The following ISCA2 variants were observed in gnomAD, a reference collection of about 807,000 sequenced individuals.
ISCA2 encodes iron-sulfur cluster assembly 2.
Under a neutral mutation model 19.1 loss-of-function variants are expected in ISCA2, and 21 were observed. That is an observed-to-expected ratio of 1.10 (90% CI 0.78 to 1.59). ISCA2 has a LOEUF of 1.59. Ranked by LOEUF, ISCA2 falls within the 40% of genes most tolerant of loss-of-function variation. The pLI, the probability that ISCA2 is intolerant of heterozygous loss-of-function variation, is 0.00. For synonymous variants in ISCA2, 107 were observed against 83.8 expected, an observed-to-expected ratio of 1.28 and a Z score of -1.51; for missense variants, 181 against 191.7, an observed-to-expected ratio of 0.94 and a Z score of 0.33.
At chr14:74,494,209 C>G (rs1595230351) in intron 2 of ISCA2, 57 bp downstream of exon 2, 6 of 1,575,816 alleles carry the variant, frequency 3.8e-6, no homozygotes, top group Non-Finnish European at 4.3e-6. Context: ...GCAGCGGGAA[C>G]TGCTCTTCAC....
intron 2 of ISCA2, 31 bp downstream of exon 2, chr14:74,494,183 C>T (rs2086817518): frequency 6.3e-7 from 1 of 1,587,464 alleles, no homozygotes; most frequent in Non-Finnish European, 8.6e-7. Flanking sequence ...CGGCGGTACC[C>T]AGGCGATTGG....
chr14:74,494,321 T>G lies in ISCA2; in HGVS notation c.221T>G (p.Val74Gly). The G allele has an allele frequency of 6.2e-7, 1 of 1,614,178 alleles. No individual in the cohort carries two copies. Among genetic ancestry groups the G allele is most frequent in the East Asian group, 2.2e-5 (1 of 44,882 alleles). The change falls in exon 3 of 4, where the codon GTG (valine) becomes GGG (glycine). Residue 74 changes from valine (V) to glycine (G), a missense_variant. Coordinates refer to ENST00000556816, the MANE Select transcript of ISCA2 (RefSeq NM_194279.4). ...TEGSEFLRLQ[V>G]EGGGCSGFQY... ...GGGTCAGAATTCCTCAGGCTGCAAGTGGAGGGAGGTGGATGCTCCGGATTC... is the reference window on the plus strand; with the variant it reads ...GGGTCAGAATTCCTCAGGCTGCAAGGGGAGGGAGGTGGATGCTCCGGATTC...
chr14:74,495,745 A>G lies in ISCA2; in HGVS notation c.*745A>G, dbSNP rs1196649720. The G allele has an allele frequency of 2.0e-5, 3 of 152,250 alleles. No individual in the cohort carries two copies. Among genetic ancestry groups the G allele is most frequent in the Non-Finnish European group, 4.4e-5 (3 of 68,050 alleles). 9.4% of individuals were successfully genotyped at this position (152,250 alleles called of 1,614,324 possible). A position where few individuals can be genotyped will look rare whatever the true frequency, so the allele number is the denominator to read the frequency against. ...TGTTGCTTTACCTGCCTTCTGTTGT[A>G]AAATGGCTCTGGTCTCATGCACAGC... On this transcript the variant is annotated 3_prime_UTR_variant, in exon 4 of 4. Coordinates refer to ENST00000556816, the MANE Select transcript of ISCA2 (RefSeq NM_194279.4).
In ISCA2 at chr14:74,495,028, C is replaced by T. The variant is rs199945088; in HGVS notation, c.*28C>T. The T allele has an allele frequency of 1.6e-4, 253 of 1,559,892 alleles. No homozygotes were observed. The highest frequency in any genetic ancestry group is 5.5e-5 in the Non-Finnish European group (62 of 1,134,780). ...TGATGACTGGTGACTCTGGGATTGTCACCAGTTGTACCAATTTGAAGAACC... is the reference window on the plus strand; with the variant it reads ...TGATGACTGGTGACTCTGGGATTGTTACCAGTTGTACCAATTTGAAGAACC... On this transcript the variant is annotated 3_prime_UTR_variant, in exon 4 of 4. Coordinates refer to ENST00000556816, the MANE Select transcript of ISCA2 (RefSeq NM_194279.4).
chr14:74,494,404 G>A lies in ISCA2; in HGVS notation c.290+14G>A. 6.3e-7 allele frequency: 1 copy of A among 1,591,814 alleles called. No homozygotes were observed. Among genetic ancestry groups the A allele is most frequent in the Non-Finnish European group, 8.6e-7 (1 of 1,159,666 alleles). On this transcript the variant is annotated intron_variant, in intron 3 of 3. Transcript: ENST00000556816. ...CCCCGACGACAGGCAAGGAGGAAGG[G>A]GTGGGCCCCCAAAGGAGGTACAGGA...
At chr14:74,494,768 A>T in intron 3 of ISCA2, 58 bp from the exon 4 acceptor site, 1 of 1,486,012 alleles carries the variant, frequency 6.7e-7, no homozygotes. Context: ...CTCTGGGCTC[A>T]GGGGGTGTCT....
rs996954656 is a variant in ISCA2 at position 74,496,248 on chromosome 14, G to A, written c.*1248G>A. 2.6e-5 allele frequency: 4 copies of A among 152,176 alleles called. No homozygotes were observed. Among genetic ancestry groups the A allele is most frequent in the African/African-American group, 9.7e-5 (4 of 41,436 alleles). The allele number at this position is 152,176 out of a possible 1,614,324, so 9.4% of individuals were successfully genotyped here. A position where few individuals can be genotyped will look rare whatever the true frequency, so the allele number is the denominator to read the frequency against. On this transcript the variant is annotated 3_prime_UTR_variant, in exon 4 of 4. Transcript: ENST00000556816. ...CTTTTGCTTGGGAGCCTAGAAGTTT[G>A]TTACAGTAAAGACTTGCATTTCTGC... is the stretch of plus-strand genomic sequence containing the variant.
rs1213600874 is a variant in ISCA2 at position 74,495,121 on chromosome 14, A to G, written c.*121A>G. On this transcript the variant is annotated 3_prime_UTR_variant, in exon 4 of 4. Coordinates refer to ENST00000556816, the MANE Select transcript of ISCA2 (RefSeq NM_194279.4). ...CTCTCAATTTTATTTCCCGCAGTCC[A>G]GGAGTGTTATGTTTTGCCACTATTA... 2.7e-6 allele frequency: 2 copies of G among 750,270 alleles called. No individual in the cohort carries two copies. The highest frequency in any genetic ancestry group is 1.8e-5 in the South Asian group (1 of 54,798). The allele number at this position is 750,270 out of a possible 1,614,324, so 46.5% of individuals were successfully genotyped here. A position where few individuals can be genotyped will look rare whatever the true frequency, so the allele number is the denominator to read the frequency against.
rs774966429 is a variant in ISCA2 at position 74,494,839 on chromosome 14, G to A, written c.304G>A (p.Gly102Ser). Residue 102 changes from glycine to serine, a missense_variant, in exon 4 of 4, where the codon GGT (glycine) becomes AGT (serine). Coordinates refer to ENST00000556816, the MANE Select transcript of ISCA2 (RefSeq NM_194279.4). ...CTGTCTTTTCAGGGTATTTGAACAG[G>A]GTGGGGCAAGAGTGGTGGTTGACTC... ...INPDDRVFEQ[G>S]GARVVVDSDS... The A allele has an allele frequency of 1.2e-6, 2 of 1,613,994 alleles. No individual in the cohort carries two copies. The highest frequency in any genetic ancestry group is 1.3e-5 in the African/African-American group (1 of 74,916).
At position 74,496,782 on chromosome 14, in the gene ISCA2, C is replaced by T. The variant is rs1374242816; in HGVS notation, c.*1782C>T. ...TAGAATGCAGCTTATATGTGAGTAT[C>T]TACTGTTAATGGGAGAATTGGAATT... On this transcript the variant is annotated 3_prime_UTR_variant, in exon 4 of 4. Transcript: ENST00000556816. The T allele has an allele frequency of 6.6e-6, 1 of 152,124 alleles. No homozygotes were observed. Among genetic ancestry groups the T allele is most frequent in the Non-Finnish European group, 1.5e-5 (1 of 68,032 alleles). 9.4% of individuals were successfully genotyped at this position (152,124 alleles called of 1,614,324 possible).
At position 74,494,810 on chromosome 14, in the gene ISCA2, C is replaced by T. The variant is rs774962941; in HGVS notation, c.291-16C>T. Reference sequence around the variant, plus strand: ...TGTTTGCGATACTCCTTAATGCCTTCCTCCTGTCTTTTCAGGGTATTTGAA... The same window carrying T: ...TGTTTGCGATACTCCTTAATGCCTTTCTCCTGTCTTTTCAGGGTATTTGAA... On this transcript the variant is annotated splice_polypyrimidine_tract_variant and intron_variant, in intron 3 of 3. Coordinates refer to ENST00000556816, the MANE Select transcript of ISCA2 (RefSeq NM_194279.4). The T allele has an allele frequency of 7.4e-6, 12 of 1,612,708 alleles. No individual in the cohort carries two copies. In the South Asian group the frequency reaches 8.8e-5, roughly 12 times the overall value.
rs2086839495 is a variant in ISCA2, at chr14:74,495,686, T to C, written c.*686T>C. ...TACTCATACAGACATTTTAAGATTC[T>C]GTGACAATTTAATGACTGAATCTTT... is the stretch of plus-strand genomic sequence containing the variant. On this transcript the variant is annotated 3_prime_UTR_variant, in exon 4 of 4. Transcript: ENST00000556816. 1 of 152,248 alleles carries C rather than the reference T, an allele frequency of 6.6e-6. No individual in the cohort carries two copies. The highest frequency in any genetic ancestry group is 1.5e-5 in the Non-Finnish European group (1 of 68,048). 9.4% of individuals were successfully genotyped at this position (152,248 alleles called of 1,614,324 possible).
intron 3 of ISCA2, 55 bp downstream of exon 3, chr14:74,494,445 C>T (rs2086822818): frequency 1.5e-6 from 2 of 1,297,096 alleles, no homozygotes; most frequent in Non-Finnish European, 2.2e-6. Flanking sequence ...AAAAGTGTCT[C>T]CAGTTTAAGG....
Position 74,496,027 on chromosome 14 carries a change from G to A in ISCA2, c.*1027G>A, listed in dbSNP as rs372014912. 6.6e-6 allele frequency: 1 copy of A among 152,240 alleles called. No individual in the cohort carries two copies. The highest frequency in any genetic ancestry group is 1.9e-4 in the East Asian group (1 of 5,206). 9.4% of individuals were successfully genotyped at this position (152,240 alleles called of 1,614,324 possible). A position where few individuals can be genotyped will look rare whatever the true frequency, so the allele number is the denominator to read the frequency against. The stretch of plus-strand genomic sequence containing the variant: ...AGCTTTTAAAATCACAAATTCTAGT[G>A]AATTAAAGTACTTGTGTAGGTGTGG... On this transcript the variant is annotated 3_prime_UTR_variant, in exon 4 of 4. Transcript: ENST00000556816.
Position 74,493,930 on chromosome 14 carries a change from C to G in ISCA2, c.71+85C>G. ...GGGAAACTAAGGCCTGTGGGGGATG[C>G]GAGGGTTTGGTGGGAGGCCGTCCAG... On this transcript the variant is annotated intron_variant, in intron 1 of 3. Transcript: ENST00000556816. The surrounding 1 kb of genome is among the most constrained non-coding windows in gnomAD (Gnocchi z 4.1). 6.8e-7 allele frequency: 1 copy of G among 1,480,332 alleles called. No homozygotes were observed. Among genetic ancestry groups the G allele is most frequent in the East Asian group, 2.5e-5 (1 of 40,560 alleles). The allele number at this position is 1,480,332 out of a possible 1,614,324, so 91.7% of individuals were successfully genotyped here. A position where few individuals can be genotyped will look rare whatever the true frequency, so the allele number is the denominator to read the frequency against.
chr14:74,494,077 G>C lies in ISCA2; in HGVS notation c.99G>C (p.Gln33His). ...TCCTCACGGCCTCCCTGGGACCCCA[G>C]GCGCGTCGGGAGGCGTCGTCCTCCA... is the stretch of plus-strand genomic sequence containing the variant. ...GRLLTASLGP[Q>H]ARREASSSSP... Residue 33 changes from glutamine (Q) to histidine (H), a missense_variant, in exon 2 of 4, where the codon CAG (glutamine) becomes CAC (histidine). By Grantham distance (24) the Gln-to-His change is conservative. Transcript: ENST00000556816. 6.4e-7 allele frequency: 1 copy of C among 1,552,910 alleles called. No individual in the cohort carries two copies. Among genetic ancestry groups the C allele is most frequent in the Non-Finnish European group, 8.7e-7 (1 of 1,152,522 alleles).
In ISCA2 at chr14:74,494,255, T is replaced by A; in HGVS notation, c.175-20T>A. On this transcript the variant is annotated intron_variant, in intron 2 of 3. Transcript: ENST00000556816. ...AACTCCCGTTTCCCGCTATTCTTGA[T>A]CCCCCTTCCTGCATTTCAGAGGCTT... 1 of 1,607,628 alleles carries A rather than the reference T, an allele frequency of 6.2e-7. No homozygotes were observed. Among genetic ancestry groups the A allele is most frequent in the Non-Finnish European group, 8.5e-7 (1 of 1,174,152 alleles).
Position 74,493,770 on chromosome 14 carries a change from G to T in ISCA2, c.-5G>T, listed in dbSNP as rs1345199100. The T allele has an allele frequency of 6.6e-7, 1 of 1,518,132 alleles. No individual in the cohort carries two copies. 94.0% of individuals were successfully genotyped at this position (1,518,132 alleles called of 1,614,324 possible). On this transcript the variant is annotated 5_prime_UTR_variant, in exon 1 of 4. In the 5' UTR this introduces an upstream ATG that the reference lacks. Transcript: ENST00000556816. The surrounding 1 kb of genome is among the most constrained non-coding windows in gnomAD (Gnocchi z 4.1). Reference sequence around the variant, plus strand: ...AGACGCGAGGGGCGGAGCTTGTGGAGGAAGATGGCTGCCGCCTGGGGGTCG... The same window carrying T: ...AGACGCGAGGGGCGGAGCTTGTGGATGAAGATGGCTGCCGCCTGGGGGTCG...
chr14:74,494,315 T>C lies in ISCA2; in HGVS notation c.215T>C (p.Leu72Pro). 6.2e-7 allele frequency: 1 copy of C among 1,614,210 alleles called. No individual in the cohort carries two copies. The highest frequency in any genetic ancestry group is 8.5e-7 in the Non-Finnish European group (1 of 1,180,020). ...EITEGSEFLR[L>P]QVEGGGCSGF... is the part of the protein sequence containing the mutation. ...ACCGAAGGGTCAGAATTCCTCAGGCTGCAAGTGGAGGGAGGTGGATGCTCC... is the reference window on the plus strand; with the variant it reads ...ACCGAAGGGTCAGAATTCCTCAGGCCGCAAGTGGAGGGAGGTGGATGCTCC... Residue 72 changes from leucine (L) to proline (P), a missense_variant, in exon 3 of 4, where the codon CTG (leucine) becomes CCG (proline). Transcript: ENST00000556816.
Sources: allele counts gnomAD v4.1 joint callset, GRCh38; gene constraint gnomAD v4.1.1; non-coding constraint Gnocchi (gnomAD v3.1); transcripts MANE v1.5; gene names NCBI Gene and HGNC (gene_info 2026-07-23, HGNC 2026-07-21).